TNIK: variants seen among roughly 807,000 people sequenced by gnomAD.
TNIK encodes the protein TRAF2 and NCK interacting kinase.
TNIK carries 49 observed loss-of-function variants against 191.3 expected under a neutral mutation model. The ratio of observed to expected loss-of-function variants is 0.26; its 90% CI spans 0.20 to 0.32. TNIK has a LOEUF of 0.32. TNIK is among the 10% of genes least tolerant of loss of function. The pLI, the probability that TNIK is intolerant of heterozygous loss-of-function variation, is 1.00. For missense variants in TNIK, 1,155 were observed against 1,702.3 expected (o/e 0.68, Z 5.66); for synonymous variants, 594 against 600.9 (o/e 0.99, Z 0.17).
At chr3:171,459,027 C>T (rs891214109) in intron 1 of TNIK, among the ~76,000 whole-genome samples, 1 of 152,016 alleles carries the variant, frequency 6.6e-6, no homozygotes, top group African/African-American at 2.4e-5. Flanking sequence ...GGTGGGGAAG[C>T]GTCGAAGCAG....
At chr3:171,270,128 A>T (rs4894686) in intron 2 of TNIK, among the ~76,000 whole-genome samples, 80,514 of 151,856 alleles carry the variant, frequency 0.53, 22,264 homozygotes, top group African/African-American at 0.65. Flanking sequence ...ATAATTATTT[A>T]TCCTTAGTTA....
chr3:171,364,364 TAA>T (rs532408501), intron 2 of TNIK, among the ~76,000 whole-genome samples: 6 of 141,908 alleles, frequency 4.2e-5, no homozygotes, highest in African/African-American at 7.7e-5. Context: ...CATCCCATTA[TAA>T]AAAAAAAAAA....
chr3:171,421,682 A>G (rs1577875210), intron 1 of TNIK, among the ~76,000 whole-genome samples: 1 of 150,166 alleles, frequency 6.7e-6, no homozygotes, highest in African/African-American at 2.5e-5. Context: ...AAGCAGAGAC[A>G]TTGAATAAGA....
In TNIK at chr3:171,127,992, A is replaced by G. The variant is rs528186580; in HGVS notation, c.1773+722T>C. 3.3e-5 allele frequency among the ~76,000 whole-genome samples: 5 copies of G among 152,348 alleles called. No individual in the cohort carries two copies. The East Asian group carries it at 7.7e-4, about 23-fold the overall frequency. ...ACTTCATATTTCATTTTTGGCATAT[A>G]TAACTTAAAAGTCCTGCAGAACTTC... On this transcript the variant is annotated intron_variant, in intron 16 of 32. Coordinates refer to ENST00000436636, the MANE Select transcript of TNIK (RefSeq NM_015028.4).
At chr3:171,440,263 C>A (rs569073221) in intron 1 of TNIK, among the ~76,000 whole-genome samples, 131 of 152,236 alleles carry the variant, frequency 8.6e-4, no homozygotes, top group South Asian at 6.8e-3. Flanking sequence ...CTTCCCTCGC[C>A]ATCATAGTAA....
chr3:171,185,887 C>T (rs1275725391), intron 7 of TNIK, among the ~76,000 whole-genome samples: 6 of 152,052 alleles, frequency 3.9e-5, no homozygotes, highest in African/African-American at 9.7e-5. Context: ...TAATAAAGTC[C>T]GGTGGCCAAG....
At chr3:171,325,221 C>T (rs946113906) in intron 2 of TNIK, among the ~76,000 whole-genome samples, 2 of 152,090 alleles carry the variant, frequency 1.3e-5, no homozygotes, top group African/African-American at 2.4e-5. Context: ...CAAACACCAA[C>T]AGAGGAGAAA....
At chr3:171,179,739 C>T (rs572945503) in intron 7 of TNIK, among the ~76,000 whole-genome samples, 2 of 152,144 alleles carry the variant, frequency 1.3e-5, no homozygotes, top group Admixed American at 6.5e-5. Context: ...CATGAGCCAC[C>T]GTGCCCGGCC....
chr3:171,101,566 T>G lies in TNIK; in HGVS notation c.2474A>C (p.Lys825Thr). ...ACTGGAGGAGGAGTAATCAGTCACC[T>G]TCTTCATTGGGCGGTTTGTTTCTTC... ...RIEETNRPMK[K>T]VTDYSSSSEE... is the part of the protein sequence containing the mutation. Residue 825 changes from lysine (K) to threonine (T), a missense_variant, in exon 22 of 33, where the codon AAG (lysine) becomes ACG (threonine). Lys to Thr is a moderately conservative substitution (Grantham distance 78, BLOSUM62 -1). Coordinates refer to ENST00000436636, the MANE Select transcript of TNIK (RefSeq NM_015028.4). 9 of 1,613,526 alleles carry G rather than the reference T, an allele frequency of 5.6e-6. No individual in the cohort carries two copies. The highest frequency in any genetic ancestry group is 7.6e-6 in the Non-Finnish European group (9 of 1,179,564).
chr3:171,296,764 T>A (rs942969855), intron 2 of TNIK, among the ~76,000 whole-genome samples: 1 of 152,198 alleles, frequency 6.6e-6, no homozygotes, highest in Non-Finnish European at 1.5e-5. Flanking sequence ...TTGTTTGAAA[T>A]TTTCCATAAT....
At chr3:171,248,655 G>A (rs1249625086) in intron 2 of TNIK, among the ~76,000 whole-genome samples, 1 of 152,178 alleles carries the variant, frequency 6.6e-6, no homozygotes, top group African/African-American at 2.4e-5. Context: ...AGATTGGGAT[G>A]CTGTACATTT....
At chr3:171,233,392 T>C (rs913841061) in intron 2 of TNIK, among the ~76,000 whole-genome samples, 5 of 152,232 alleles carry the variant, frequency 3.3e-5, no homozygotes, top group Admixed American at 2.6e-4. Context: ...TATGTAGTAA[T>C]GGCAGCTGTT....
chr3:171,211,016 G>C, intron 4 of TNIK, 100 bp downstream of exon 4: 1 of 1,456,370 alleles, frequency 6.9e-7, no homozygotes, highest in African/African-American at 1.4e-5. Flanking sequence ...AATGGTTAAA[G>C]AAGGAGTTAA....
intron 1 of TNIK, among the ~76,000 whole-genome samples, chr3:171,430,834 C>T (rs1725285016): frequency 6.6e-6 from 1 of 151,838 alleles, no homozygotes; most frequent in African/African-American, 2.4e-5. Context: ...TACATTTCAA[C>T]TTTGGAAATA....
At chr3:171,289,536 T>C (rs1005914772) in intron 2 of TNIK, among the ~76,000 whole-genome samples, 3 of 152,196 alleles carry the variant, frequency 2.0e-5, no homozygotes, top group African/African-American at 7.2e-5. Context: ...CCAGGAGCAG[T>C]TCAGTTCTGG....
intron 1 of TNIK, among the ~76,000 whole-genome samples, chr3:171,426,304 G>A (rs1724580130): frequency 2.0e-5 from 3 of 149,910 alleles, no homozygotes; most frequent in Admixed American, 6.7e-5. Flanking sequence ...CTATCGCAAG[G>A]ACAAAAAACC....
chr3:171,186,080 G>A (rs755258988), intron 7 of TNIK, among the ~76,000 whole-genome samples: 3 of 152,190 alleles, frequency 2.0e-5, no homozygotes, highest in African/African-American at 7.2e-5. Flanking sequence ...GAAACTGCAT[G>A]TACAGATACA....
At chr3:171,252,449 C>T (rs572038060) in intron 2 of TNIK, among the ~76,000 whole-genome samples, 34 of 152,246 alleles carry the variant, frequency 2.2e-4, no homozygotes, top group African/African-American at 7.0e-4. Context: ...AAACTCATAT[C>T]GTGTGCACGA....
At chr3:171,296,557 T>TCA (rs1752307260) in intron 2 of TNIK, among the ~76,000 whole-genome samples, 1 of 152,346 alleles carries the variant, frequency 6.6e-6, no homozygotes, top group African/African-American at 2.4e-5. Context: ...TGCCAAGGTT[T>TCA]CAATCCTGAT....
Sources: allele counts gnomAD v4.1 joint callset (sites outside exome capture counted in the v4.1 genomes callset), GRCh38; gene constraint gnomAD v4.1.1; transcripts MANE v1.5; gene names NCBI Gene and HGNC (gene_info 2026-07-23, HGNC 2026-07-21).